CASS4: variants seen among roughly 807,000 people sequenced by gnomAD.
CASS4 encodes cas scaffolding protein family member 4.
Under a neutral mutation model 54.2 loss-of-function variants are expected in CASS4, and 22 were observed. The observed-to-expected ratio is 0.41, with a 90% CI of 0.29 to 0.58. The LOEUF is 0.58. Ranked by LOEUF, CASS4 falls within the 20% of genes least tolerant of loss-of-function variation. The probability of loss-of-function intolerance (pLI) is 0.36; values close to 1 mark genes in which losing one functional copy is unlikely to be tolerated. For missense variants in CASS4, 854 were observed against 986.7 expected (o/e 0.87, Z 1.80); for synonymous variants, 409 against 391.5 (o/e 1.04, Z -0.53).
chr20:56,434,924 A>G (rs1370720862), intron 1 of CASS4, among the ~76,000 whole-genome samples: 1 of 152,234 alleles, frequency 6.6e-6, no homozygotes, highest in African/African-American at 2.4e-5. Context: ...TGGTGGCAGC[A>G]CTGCAGGCAT....
intron 1 of CASS4, among the ~76,000 whole-genome samples, chr20:56,417,026 A>G (rs376133919): frequency 2.6e-5 from 4 of 152,302 alleles, no homozygotes; most frequent in East Asian, 1.9e-4. Flanking sequence ...TCAAGGTAAA[A>G]ATGTAGAATT....
At chr20:56,418,134 C>T (rs1407164145) in intron 1 of CASS4, among the ~76,000 whole-genome samples, 4 of 152,040 alleles carry the variant, frequency 2.6e-5, no homozygotes, top group Admixed American at 6.6e-5. Context: ...AGTAAATAGA[C>T]CCATGGTTTC....
At chr20:56,436,898 C>G (rs922190581) in intron 1 of CASS4, among the ~76,000 whole-genome samples, 2 of 151,670 alleles carry the variant, frequency 1.3e-5, no homozygotes, top group African/African-American at 2.4e-5. Flanking sequence ...AAACCAAAAA[C>G]AAACAGGGCC....
intron 1 of CASS4, among the ~76,000 whole-genome samples, chr20:56,419,144 T>G (rs1185754468): frequency 6.6e-6 from 1 of 151,910 alleles, no homozygotes; most frequent in Non-Finnish European, 1.5e-5. Flanking sequence ...TTGCGATGAC[T>G]AAGGGAGGAA....
At position 56,452,984 on chromosome 20, in the gene CASS4, A is replaced by G; in HGVS notation, c.1808A>G (p.Asn603Ser). 6.2e-7 allele frequency: 1 copy of G among 1,614,094 alleles called. No homozygotes were observed. The highest frequency in any genetic ancestry group is 1.3e-5 in the African/African-American group (1 of 75,036). ...EKEETVQLTP[N>S]AEFKCEKYIQ... ...GAAGAGACTGTGCAGTTGACCCCAA[A>G]TGCAGAATTTAAGTGTGAAAAATAC... is the stretch of plus-strand genomic sequence containing the variant. The change falls in exon 5 of 6, where the codon AAT becomes AGT. Residue 603 changes from asparagine to serine, a missense_variant. Coordinates refer to ENST00000679887, the MANE Select transcript of CASS4 (RefSeq NM_020356.4).
At position 56,427,859 on chromosome 20, in the gene CASS4, T is replaced by C. The variant is rs1979717138; in HGVS notation, c.37-9305T>C. Reference sequence around the variant, plus strand: ...ACTAAGAATTCTTGGAAGTAAGACATGGAATCAGTGAGAAGGAAGCCGAAA... The same window carrying C: ...ACTAAGAATTCTTGGAAGTAAGACACGGAATCAGTGAGAAGGAAGCCGAAA... On this transcript the variant is annotated intron_variant, in intron 1 of 5. Transcript: ENST00000679887. 2.6e-5 allele frequency among the ~76,000 whole-genome samples: 4 copies of C among 152,290 alleles called. No individual in the cohort carries two copies. The South Asian group carries it at 6.2e-4, about 24-fold the overall frequency.
rs779858371 is a variant in CASS4, at chr20:56,437,449, A to G, written c.322A>G (p.Thr108Ala). ...GGTGCCCACTCTACCCCGCCCTCCC[A>G]CTCCAGGCCCCGTTTATGAGCAGAT... The part of the protein sequence containing the change: ...YQVPTLPRPP[T>A]PGPVYEQMRS... The change falls in exon 2 of 6, where the codon ACT becomes GCT. Residue 108 changes from threonine to alanine, a missense_variant. Coordinates refer to ENST00000679887, the MANE Select transcript of CASS4 (RefSeq NM_020356.4). The surrounding 1 kb of genome is among the most constrained non-coding windows in gnomAD (Gnocchi z 4.7). 1.9e-6 allele frequency: 3 copies of G among 1,612,462 alleles called. No individual in the cohort carries two copies. The highest frequency in any genetic ancestry group is 2.2e-5 in the South Asian group (2 of 90,978).
intron 2 of CASS4, among the ~76,000 whole-genome samples, chr20:56,438,588 A>G (rs1162240355): frequency 2.0e-5 from 3 of 152,142 alleles, no homozygotes; most frequent in Non-Finnish European, 2.9e-5. Flanking sequence ...GCAGGGCGCA[A>G]TGGCTCATTC....
intron 5 of CASS4, 75 bp from the exon 6 acceptor site, chr20:56,458,265 C>A: frequency 6.9e-7 from 1 of 1,444,636 alleles, no homozygotes; most frequent in South Asian, 1.3e-5. Flanking sequence ...GCAAATCTAG[C>A]CAAAACAGGA....
Position 56,437,372 on chromosome 20 carries a change from C to G in CASS4, c.245C>G (p.Pro82Arg), listed in dbSNP as rs749520065. ...TEVAADRPCP[P>R]FLRGLEEAPA... is the part of the protein sequence containing the mutation. ...GTCGCTGCAGACAGGCCGTGCCCCCCATTCCTGAGAGGCCTGGAAGAAGCT... is the reference window on the plus strand; with the variant it reads ...GTCGCTGCAGACAGGCCGTGCCCCCGATTCCTGAGAGGCCTGGAAGAAGCT... The change falls in exon 2 of 6, where the codon CCA becomes CGA. Residue 82 changes from proline (P) to arginine (R), a missense_variant. Transcript: ENST00000679887. The surrounding 1 kb of genome is among the most constrained non-coding windows in gnomAD (Gnocchi z 4.7). 2.5e-6 allele frequency: 4 copies of G among 1,614,118 alleles called. No homozygotes were observed. In the Admixed American group the frequency reaches 6.7e-5, roughly 27 times the overall value.
At chr20:56,433,878 T>C (rs1201556479) in intron 1 of CASS4, among the ~76,000 whole-genome samples, 1 of 152,116 alleles carries the variant, frequency 6.6e-6, no homozygotes, top group African/African-American at 2.4e-5. Context: ...CTTTTTTCTA[T>C]GGAAAAATGA....
chr20:56,450,529 G>A (rs1206438360), intron 3 of CASS4, 70 bp from the exon 4 acceptor site: 3 of 1,356,670 alleles, frequency 2.2e-6, no homozygotes, highest in Non-Finnish European at 1.0e-6. Context: ...ACTGGAATAG[G>A]GAGTGTTCGT....
Position 56,424,155 on chromosome 20 carries a change from A to G in CASS4, c.36+11661A>G, listed in dbSNP as rs576872812. On this transcript the variant is annotated intron_variant, in intron 1 of 5. Coordinates refer to ENST00000679887, the MANE Select transcript of CASS4 (RefSeq NM_020356.4). The stretch of plus-strand genomic sequence containing the variant: ...TGTGAGATGATGCAAGAAACTACTT[A>G]GCTATCACCTCATTAAAAGAATTCA... 2.6e-5 allele frequency among the ~76,000 whole-genome samples: 4 copies of G among 152,342 alleles called. No individual in the cohort carries two copies. The East Asian group carries it at 5.8e-4, about 22-fold the overall frequency.
chr20:56,439,112 G>A (rs1056348865), intron 2 of CASS4, among the ~76,000 whole-genome samples: 1 of 152,158 alleles, frequency 6.6e-6, no homozygotes, highest in South Asian at 2.1e-4. Context: ...AACAAATTAG[G>A]AAGTTGATTT....
intron 1 of CASS4, among the ~76,000 whole-genome samples, chr20:56,433,009 C>A (rs534496267): frequency 7.2e-5 from 11 of 152,346 alleles, no homozygotes; most frequent in African/African-American, 2.6e-4. Flanking sequence ...GGCGTTATGT[C>A]ACGCCTCTCT....
chr20:56,427,718 T>G (rs1207017188), intron 1 of CASS4, among the ~76,000 whole-genome samples: 1 of 152,228 alleles, frequency 6.6e-6, no homozygotes, highest in Non-Finnish European at 1.5e-5. Flanking sequence ...TATCAAAAGA[T>G]CTGTGATATT....
rs1981124193 is a variant in CASS4, at chr20:56,453,112, G to C, written c.1936G>C (p.Ala646Pro). The C allele has an allele frequency of 6.2e-7, 1 of 1,612,674 alleles. No individual in the cohort carries two copies. The highest frequency in any genetic ancestry group is 8.5e-7 in the Non-Finnish European group (1 of 1,179,534). Residue 646 changes from alanine to proline, a missense_variant, in exon 5 of 6, where the codon GCA (alanine) becomes CCA (proline). Transcript: ENST00000679887. ...HSSELLKKNR[A>P]NICGQNPGPL... is the part of the protein sequence containing the mutation. Reference sequence around the variant, plus strand: ...TTCTGAACTATTAAAGAAAAATAGGGCAAATATCTGTGGACAGGTGAGTTC... The same window carrying C: ...TTCTGAACTATTAAAGAAAAATAGGCCAAATATCTGTGGACAGGTGAGTTC...
intron 1 of CASS4, among the ~76,000 whole-genome samples, chr20:56,413,215 A>G (rs1275512767): frequency 6.6e-6 from 1 of 151,396 alleles, no homozygotes; most frequent in African/African-American, 2.4e-5. Context: ...CTACCATATT[A>G]AAAAAAAATT....
upstream of CASS4, chr20:56,412,115 G>T: frequency 2.9e-6 from 1 of 344,928 alleles, no homozygotes; most frequent in East Asian, 8.0e-5. This position sits in a 1 kb window ranked among gnomAD's most constrained non-coding sequence, Gnocchi z 4.2. Context: ...TAAAGCAGAA[G>T]AGTGGTGTTT....
Sources: gnomAD v4.1 joint callset for allele counts (sites outside exome capture counted in the v4.1 genomes callset) on GRCh38, gnomAD v4.1.1 for gene constraint, Gnocchi (gnomAD v3.1) non-coding constraint, MANE v1.5 for transcripts, NCBI Gene and HGNC (gene_info 2026-07-23, HGNC 2026-07-21) for gene names.